TUSC3: variants seen among roughly 807,000 people sequenced by gnomAD.
TUSC3 encodes dolichyl-diphosphooligosaccharide--protein glycosyltransferase subunit TUSC3.
In TUSC3, 45 loss-of-function variants were observed where a neutral mutation model predicts 44.8. The observed-to-expected ratio is 1.00, with a 90% confidence interval of 0.79 to 1.29. The LOEUF is 1.29. Ranked by LOEUF, TUSC3 falls within the 50% of genes most tolerant of loss-of-function variation. The probability of loss-of-function intolerance (pLI) is 0.00; values close to 1 mark genes in which losing one functional copy is unlikely to be tolerated. For synonymous variants in TUSC3, 212 were observed against 152.9 expected, an observed-to-expected ratio of 1.39 and a Z score of -2.85; for missense variants, 519 against 437.9, an observed-to-expected ratio of 1.19 and a Z score of -1.65.
At chr8:15,763,093 T>G (rs1812220507) in intron 10 of TUSC3, among the ~76,000 whole-genome samples, 1 of 151,948 alleles carries the variant, frequency 6.6e-6, no homozygotes, top group Non-Finnish European at 1.5e-5. Context: ...ATTTACATTT[T>G]AATTGATGTT....
At chr8:15,753,187 T>C (rs1225949391) in intron 9 of TUSC3, among the ~76,000 whole-genome samples, 2 of 152,048 alleles carry the variant, frequency 1.3e-5, no homozygotes, top group African/African-American at 4.8e-5. Context: ...TTATCTGAAT[T>C]TCATGACTTA....
intron 10 of TUSC3, among the ~76,000 whole-genome samples, chr8:15,761,426 G>T (rs1812164270): frequency 6.6e-6 from 1 of 152,186 alleles, no homozygotes; most frequent in Non-Finnish European, 1.5e-5. Flanking sequence ...GGAAGTGGGA[G>T]CTTCTGGGGG....
At chr8:15,486,555 C>A (rs1051332258) in intron 2 of TUSC3, among the ~76,000 whole-genome samples, 1 of 152,054 alleles carries the variant, frequency 6.6e-6, no homozygotes, top group Non-Finnish European at 1.5e-5. Flanking sequence ...AATGATTATT[C>A]TGCCTCAGCC....
intron 2 of TUSC3, among the ~76,000 whole-genome samples, chr8:15,526,596 C>T (rs1480483026): frequency 6.6e-6 from 1 of 152,142 alleles, no homozygotes; most frequent in Non-Finnish European, 1.5e-5. Flanking sequence ...TTTCTCTTGG[C>T]TCTCATTCTC....
chr8:15,723,809 A>G (rs916353901), intron 6 of TUSC3, among the ~76,000 whole-genome samples: 1 of 152,230 alleles, frequency 6.6e-6, no homozygotes, highest in South Asian at 2.1e-4. Flanking sequence ...ATCCTAAAAA[A>G]GAAACTGAAA....
intron 1 of TUSC3, among the ~76,000 whole-genome samples, chr8:15,457,689 A>T (rs1800275455): frequency 1.3e-5 from 2 of 149,582 alleles, no homozygotes; most frequent in Non-Finnish European, 3.0e-5. Flanking sequence ...TGCATTCACA[A>T]AATAAAATAA....
At chr8:15,597,970 C>T (rs1377903352) in intron 1 of TUSC3, among the ~76,000 whole-genome samples, 1 of 152,020 alleles carries the variant, frequency 6.6e-6, no homozygotes, top group Non-Finnish European at 1.5e-5. Context: ...CGCATGCACA[C>T]ACAACACTTA....
At chr8:15,462,171 G>A (rs1043844828) in intron 1 of TUSC3, among the ~76,000 whole-genome samples, 1 of 152,048 alleles carries the variant, frequency 6.6e-6, no homozygotes, top group African/African-American at 2.4e-5. Flanking sequence ...ACTTTAGCAT[G>A]TACCATATAC....
intron 1 of TUSC3, among the ~76,000 whole-genome samples, chr8:15,550,775 G>A (rs1173703427): frequency 6.6e-6 from 1 of 151,562 alleles, no homozygotes; most frequent in South Asian, 2.1e-4. Context: ...GGGTTCAAGT[G>A]ATTCTCGTGC....
In TUSC3 at chr8:15,665,916, G is replaced by C. The variant is rs141220417; in HGVS notation, c.708+3620G>C. On this transcript the variant is annotated intron_variant, in intron 5 of 10. Coordinates refer to ENST00000503731, the MANE Select transcript of TUSC3 (RefSeq NM_006765.4). Reference sequence around the variant, plus strand: ...AGAATATGTATCATTGATTGGTTCTGGTTCTGGTTTCACTCCCTTCTGTCT... The same window carrying C: ...AGAATATGTATCATTGATTGGTTCTCGTTCTGGTTTCACTCCCTTCTGTCT... 4.5e-3 allele frequency among the ~76,000 whole-genome samples: 681 copies of C among 151,404 alleles called. 3 individuals are homozygous for C. Among genetic ancestry groups the C allele is most frequent in the Non-Finnish European group, 8.0e-3 (537 of 67,488 alleles).
chr8:15,444,662 G>A (rs967179352), intron 1 of TUSC3, among the ~76,000 whole-genome samples: 1 of 152,168 alleles, frequency 6.6e-6, no homozygotes. Context: ...TTAGAAGAGT[G>A]TACAGCAGAG....
chr8:15,510,453 T>A (rs1451059289), intron 2 of TUSC3, among the ~76,000 whole-genome samples: 1 of 151,536 alleles, frequency 6.6e-6, no homozygotes, highest in African/African-American at 2.4e-5. Context: ...AATGAGGAAA[T>A]ATTATATATA....
intron 1 of TUSC3, among the ~76,000 whole-genome samples, chr8:15,562,164 A>C (rs1046471308): frequency 1.3e-5 from 2 of 152,188 alleles, no homozygotes; most frequent in African/African-American, 4.8e-5. Flanking sequence ...CTTATAACCT[A>C]GTTGGGGTAT....
chr8:15,785,840 G>A, the TUSC3 span, among the ~76,000 whole-genome samples: 1 of 151,906 alleles, frequency 6.6e-6, no homozygotes. Context: ...ATTCAGTCCT[G>A]ATCATCTAAC....
At chr8:15,432,917 C>G (rs146132428) in intron 1 of TUSC3, among the ~76,000 whole-genome samples, 218 of 152,302 alleles carry the variant, frequency 1.4e-3, no homozygotes, top group African/African-American at 5.1e-3. Flanking sequence ...CTAAATCGTT[C>G]TCCTAAGGGC....
At chr8:15,734,229 C>A (rs1810841299) in intron 7 of TUSC3, among the ~76,000 whole-genome samples, 2 of 152,070 alleles carry the variant, frequency 1.3e-5, no homozygotes, top group African/African-American at 4.8e-5. Context: ...TTTTGGATTT[C>A]TTGTCCCAAT....
chr8:15,733,541 C>A, intron 7 of TUSC3: 1 of 235,360 alleles, frequency 4.2e-6, no homozygotes, highest in South Asian at 4.7e-5. Flanking sequence ...TCATTGACAT[C>A]AAGCTGAGAT....
chr8:15,555,141 T>C (rs1802203512), intron 1 of TUSC3, among the ~76,000 whole-genome samples: 3 of 10,682 alleles, frequency 2.8e-4, no homozygotes, highest in African/African-American at 7.4e-4. Context: ...ATAGCAGTCT[T>C]TTTTTTTTTT....
intron 2 of TUSC3, among the ~76,000 whole-genome samples, chr8:15,495,289 T>A (rs533864233): frequency 6.6e-6 from 1 of 152,316 alleles, no homozygotes; most frequent in African/African-American, 2.4e-5. Context: ...AGGAGCAGTT[T>A]CAGAGGCTTC....
Sources: gnomAD v4.1 joint callset for allele counts (sites outside exome capture counted in the v4.1 genomes callset) on GRCh38, gnomAD v4.1.1 for gene constraint, MANE v1.5 for transcripts, NCBI Gene and HGNC (gene_info 2026-07-23, HGNC 2026-07-21) for gene names.